Variants in MTX2 observed in about 807,000 individuals in gnomAD.
MTX2 encodes metaxin 2.
MTX2 carries 35 observed loss-of-function variants against 42.3 expected under a neutral mutation model. That is an observed-to-expected ratio of 0.83 (90% CI 0.63 to 1.10). The LOEUF (loss-of-function observed/expected upper bound fraction) is 1.10, where lower values mean the gene tolerates loss of function less well. Ranked by LOEUF, MTX2 falls within the 50% of genes least tolerant of loss-of-function variation. MTX2 has a pLI of 0.00. For missense variants in MTX2, 307 were observed against 304.1 expected (o/e 1.01, Z -0.07); for synonymous variants, 119 against 100.9 (o/e 1.18, Z -1.08).
At chr2:176,314,999 T>C (rs1006846008) in intron 3 of MTX2, among the ~76,000 whole-genome samples, 4 of 152,198 alleles carry the variant, frequency 2.6e-5, no homozygotes, top group African/African-American at 7.2e-5. Flanking sequence ...TGCTAACAGA[T>C]AGTATGATGT....
At chr2:176,329,923 GTCTA>G (rs1179455321) in intron 8 of MTX2, among the ~76,000 whole-genome samples, 10 of 149,394 alleles carry the variant, frequency 6.7e-5, no homozygotes, top group Admixed American at 2.7e-4. Flanking sequence ...CTATCTATCT[GTCTA>G]TCTATATTTT....
intron 2 of MTX2, 64 bp from the exon 3 acceptor site, chr2:176,297,785 T>A: frequency 8.8e-7 from 1 of 1,141,168 alleles, no homozygotes; most frequent in Non-Finnish European, 1.2e-6. Context: ...ATAGAAATAC[T>A]TTTTAAAAAT....
At chr2:176,299,331 AG>A (rs1683968449) in intron 3 of MTX2, among the ~76,000 whole-genome samples, 1 of 152,128 alleles carries the variant, frequency 6.6e-6, no homozygotes, top group South Asian at 2.1e-4. Flanking sequence ...GCCAGTTTTC[AG>A]TACAAACCAA....
At chr2:176,314,426 G>A (rs549499637) in intron 3 of MTX2, among the ~76,000 whole-genome samples, 1 of 150,310 alleles carries the variant, frequency 6.7e-6, no homozygotes, top group Non-Finnish European at 1.5e-5. Context: ...GACAGAGCAA[G>A]ACTCTGTCTC....
intron 1 of MTX2, among the ~76,000 whole-genome samples, chr2:176,275,633 G>A (rs1692928873): frequency 6.6e-6 from 1 of 152,046 alleles, no homozygotes. Context: ...TTTTTTTAAT[G>A]GAGAGATTTT....
chr2:176,270,245 A>C (rs1181954571), intron 1 of MTX2: 1 of 703,132 alleles, frequency 1.4e-6, no homozygotes, highest in Non-Finnish European at 2.0e-6. Flanking sequence ...ACCTGGGCTC[A>C]CTGCAACCTC....
intron 1 of MTX2, among the ~76,000 whole-genome samples, chr2:176,271,838 A>G (rs923314559): frequency 2.6e-5 from 4 of 152,200 alleles, no homozygotes; most frequent in Admixed American, 2.6e-4. Context: ...AATAGCGAAA[A>G]ACTAGAAATG....
Position 176,297,018 on chromosome 2 carries a change from TTCCCTTGTATAATTTGTCTAGG to T in MTX2, c.88+112_88+133del, listed in dbSNP as rs1486527826. ...GAGAATATAAAATGTAAAGAAGGGATTCCCTTGTATAATTTGTCTAGGAGGTTTTACCTGAACTTGTATCTGC... is the reference window on the plus strand; with the variant it reads ...GAGAATATAAAATGTAAAGAAGGGATAGGTTTTACCTGAACTTGTATCTGC... On this transcript the variant is annotated intron_variant, in intron 2 of 9. Coordinates refer to ENST00000249442, the MANE Select transcript of MTX2 (RefSeq NM_006554.5). 5 of 1,173,016 alleles carry T rather than the reference TTCCCTTGTATAATTTGTCTAGG, an allele frequency of 4.3e-6. No homozygotes were observed. The East Asian group carries it at 1.2e-4, about 29-fold the overall frequency. 72.7% of individuals were successfully genotyped at this position (1,173,016 alleles called of 1,614,324 possible).
At chr2:176,278,378 T>G (rs188458899) in intron 1 of MTX2, among the ~76,000 whole-genome samples, 222 of 152,248 alleles carry the variant, frequency 1.5e-3, no homozygotes, top group African/African-American at 5.0e-3. Context: ...AGCAATATTA[T>G]GTAAATTTTT....
chr2:176,301,646 A>G (rs1278158697), intron 3 of MTX2, among the ~76,000 whole-genome samples: 1 of 152,174 alleles, frequency 6.6e-6, no homozygotes, highest in Non-Finnish European at 1.5e-5. Flanking sequence ...GACAGTCCAC[A>G]CTCATAACAC....
At chr2:176,313,190 G>A (rs1684356885) in intron 3 of MTX2, among the ~76,000 whole-genome samples, 2 of 151,570 alleles carry the variant, frequency 1.3e-5, no homozygotes, top group South Asian at 4.2e-4. Flanking sequence ...AATATTTTTT[G>A]AATTACTCTG....
intron 1 of MTX2, among the ~76,000 whole-genome samples, chr2:176,291,214 T>C (rs1693321516): frequency 1.3e-5 from 2 of 152,220 alleles, no homozygotes; most frequent in Admixed American, 6.5e-5. Context: ...AGTATTTTTT[T>C]GAGTTGTGTT....
rs896603478 is a variant in MTX2 at position 176,291,430 on chromosome 2, A to G, written c.41-5430A>G. On this transcript the variant is annotated intron_variant, in intron 1 of 9. Coordinates refer to ENST00000249442, the MANE Select transcript of MTX2 (RefSeq NM_006554.5). ...CTATGTGCTAGGTTCTAGGGATGAA[A>G]TGGTAAGCAAAAATCAGACGTGAAT... is the stretch of plus-strand genomic sequence containing the variant. Among the ~76,000 whole-genome samples, 4 of 152,276 alleles carry G rather than the reference A, an allele frequency of 2.6e-5. No homozygotes were observed. The East Asian group carries it at 7.7e-4, about 29-fold the overall frequency.
At position 176,327,736 on chromosome 2, in the gene MTX2, TG is replaced by T. The variant is rs1341345877; in HGVS notation, c.286-555del. Among the ~76,000 whole-genome samples, 26 of 150,960 alleles carry T rather than the reference TG, an allele frequency of 1.7e-4. No homozygotes were observed. The South Asian group carries it at 5.0e-3, about 29-fold the overall frequency. On this transcript the variant is annotated intron_variant, in intron 5 of 9. Transcript: ENST00000249442. ...ACATCTTTGTATAAATTCCTAAGGT[TG>T]GTATTGGTACCTTAGGATAAATTCC... is the stretch of plus-strand genomic sequence containing the variant.
Position 176,269,538 on chromosome 2 carries a change from G to T in MTX2, c.-92G>T. 4 of 1,402,522 alleles carry T rather than the reference G, an allele frequency of 2.9e-6. No individual in the cohort carries two copies. The highest frequency in any genetic ancestry group is 2.6e-5 in the East Asian group (1 of 37,772). The allele number at this position is 1,402,522 out of a possible 1,614,324, so 86.9% of individuals were successfully genotyped here. On this transcript the variant is annotated 5_prime_UTR_variant, in exon 1 of 10. Transcript: ENST00000249442. The stretch of plus-strand genomic sequence containing the variant: ...CGAGTCTGAACGTTGGCGGGGCTAG[G>T]CTCGTTAACTGCCGAGAGCCTCCGG...
At chr2:176,323,771 A>G (rs1002209829) in intron 4 of MTX2, among the ~76,000 whole-genome samples, 1 of 151,732 alleles carries the variant, frequency 6.6e-6, no homozygotes, top group African/African-American at 2.4e-5. Flanking sequence ...TAATGTACAT[A>G]AGACTTTCCT....
chr2:176,326,976 C>T (rs770115178), intron 5 of MTX2, 75 bp downstream of exon 5: 1 of 825,772 alleles, frequency 1.2e-6, no homozygotes, highest in East Asian at 2.9e-5. Flanking sequence ...TTAACATTTA[C>T]ATTGATTTCA....
intron 3 of MTX2, among the ~76,000 whole-genome samples, chr2:176,314,207 G>C (rs889526106): frequency 1.3e-5 from 2 of 152,030 alleles, no homozygotes; most frequent in African/African-American, 2.4e-5. Context: ...AATGTAAGAC[G>C]GGCAGATCAC....
At chr2:176,318,974 A>ACTACCAATATGGTAGC (rs1684510269) in intron 3 of MTX2, among the ~76,000 whole-genome samples, 4 of 152,234 alleles carry the variant, frequency 2.6e-5, no homozygotes. Context: ...TTAAGGAGCC[A>ACTACCAATATGGTAGC]CATGTGACTA....
Sources: allele counts gnomAD v4.1 joint callset (sites outside exome capture counted in the v4.1 genomes callset), GRCh38; gene constraint gnomAD v4.1.1; transcripts MANE v1.5; gene names NCBI Gene and HGNC (gene_info 2026-07-23, HGNC 2026-07-21).